The following SPATA6 variants were observed in gnomAD, a reference collection of about 807,000 sequenced individuals.
The protein encoded by SPATA6 is spermatogenesis-associated protein 6.
In SPATA6, 56 loss-of-function variants were observed where a neutral mutation model predicts 65.3. The ratio of observed to expected loss-of-function variants is 0.86; its 90% CI spans 0.69 to 1.07. The LOEUF is 1.07. Ranked by LOEUF, SPATA6 falls within the 50% of genes least tolerant of loss-of-function variation. The probability of loss-of-function intolerance (pLI) is 0.00; values close to 1 mark genes in which losing one functional copy is unlikely to be tolerated. For synonymous variants in SPATA6, 199 were observed against 213.2 expected (o/e 0.93, Z 0.58); for missense variants, 590 against 594.8 (o/e 0.99, Z 0.08).
At chr1:48,410,935 C>A (rs897025835) in intron 5 of SPATA6, among the ~76,000 whole-genome samples, 1 of 152,178 alleles carries the variant, frequency 6.6e-6, no homozygotes, top group Non-Finnish European at 1.5e-5. Context: ...ATGAAAGATT[C>A]TAAGTTTTTC....
At chr1:48,352,016 T>A (rs1205823891) in intron 11 of SPATA6, among the ~76,000 whole-genome samples, 1 of 152,086 alleles carries the variant, frequency 6.6e-6, no homozygotes, top group Non-Finnish European at 1.5e-5. Flanking sequence ...TTCATGCTGC[T>A]GATAAAGACA....
intron 11 of SPATA6, among the ~76,000 whole-genome samples, chr1:48,347,974 T>C (rs1247902312): frequency 6.6e-6 from 1 of 151,942 alleles, no homozygotes; most frequent in Non-Finnish European, 1.5e-5. Flanking sequence ...AAAGCATCCT[T>C]AAAAACCCTA....
chr1:48,280,631 A>T, the SPATA6 span, among the ~76,000 whole-genome samples: 1 of 152,226 alleles, frequency 6.6e-6, no homozygotes, highest in Non-Finnish European at 1.5e-5. Context: ...AGATTAAACC[A>T]GGAAGAAATT....
At chr1:48,320,846 A>C (rs2175863) in intron 11 of SPATA6, among the ~76,000 whole-genome samples, 3,742 of 152,264 alleles carry the variant, frequency 0.025, 95 homozygotes, top group African/African-American at 0.067. Flanking sequence ...AAAATAGGAA[A>C]AACAAAAAGT....
chr1:48,456,851 G>A (rs1023770025), intron 1 of SPATA6, among the ~76,000 whole-genome samples: 3 of 152,136 alleles, frequency 2.0e-5, no homozygotes, highest in Admixed American at 1.3e-4. Context: ...AAGGAAAAAT[G>A]AACAGAGTTT....
intron 9 of SPATA6, among the ~76,000 whole-genome samples, chr1:48,374,279 T>C (rs938470659): frequency 6.7e-6 from 1 of 149,460 alleles, no homozygotes; most frequent in African/African-American, 2.5e-5. Flanking sequence ...TCCAAACCTA[T>C]ACATCAGTAA....
At chr1:48,403,692 C>T (rs756701444) in intron 6 of SPATA6, 110 bp downstream of exon 6, 46 of 749,822 alleles carry the variant, frequency 6.1e-5, no homozygotes, top group Non-Finnish European at 9.0e-5. Flanking sequence ...AAAAATTGAC[C>T]CCCCAAAAAG....
chr1:48,360,128 C>T (rs1646769623), intron 9 of SPATA6, among the ~76,000 whole-genome samples: 1 of 152,054 alleles, frequency 6.6e-6, no homozygotes, highest in Non-Finnish European at 1.5e-5. Flanking sequence ...TCAAACAGAA[C>T]TAGATTCAAA....
At chr1:48,430,323 G>A (rs1246849632) in intron 3 of SPATA6, among the ~76,000 whole-genome samples, 1 of 152,046 alleles carries the variant, frequency 6.6e-6, no homozygotes, top group Non-Finnish European at 1.5e-5. Flanking sequence ...AAGGCAGTAG[G>A]CTCGTATATA....
At chr1:48,350,549 T>A (rs1014608765) in intron 11 of SPATA6, among the ~76,000 whole-genome samples, 1 of 151,928 alleles carries the variant, frequency 6.6e-6, no homozygotes, top group African/African-American at 2.4e-5. Flanking sequence ...CAGTTTTACA[T>A]TGAAGATCTA....
intron 3 of SPATA6, among the ~76,000 whole-genome samples, chr1:48,437,800 TAA>T (rs1421038377): frequency 6.6e-6 from 1 of 151,644 alleles, no homozygotes; most frequent in Non-Finnish European, 1.5e-5. Context: ...TGCTTTTTTT[TAA>T]AAAAGGGGGC....
rs1557665418 is a variant in SPATA6 at position 48,399,608 on chromosome 1, A to G, written c.523T>C (p.Ser175Pro). The change falls in exon 7 of 13, where the codon TCA becomes CCA. Residue 175 changes from serine (S) to proline (P), a missense_variant. Physicochemically the swap from Ser to Pro is moderately conservative, Grantham distance 74. Transcript: ENST00000371847. ...GTTCTGTTTTGCAGTCTGCCATGTG[A>G]TTTTTCAACTGGAGCCAAATGGTAA... ...FIYHLAPVEK[S>P]HGRLQNRTSR... The G allele has an allele frequency of 6.2e-7, 1 of 1,604,332 alleles. No homozygotes were observed. Among genetic ancestry groups the G allele is most frequent in the East Asian group, 2.2e-5 (1 of 44,720 alleles).
intron 8 of SPATA6, among the ~76,000 whole-genome samples, chr1:48,387,689 A>G (rs980533945): frequency 2.6e-5 from 4 of 152,050 alleles, no homozygotes. Flanking sequence ...CAGACCATAT[A>G]GTTTGAGGGC....
chr1:48,322,317 G>T (rs772301711), intron 11 of SPATA6, among the ~76,000 whole-genome samples: 1 of 152,110 alleles, frequency 6.6e-6, no homozygotes, highest in Non-Finnish European at 1.5e-5. Flanking sequence ...AAGCAATAGG[G>T]AAATGATTCC....
chr1:48,351,691 G>A (rs1646517381), intron 11 of SPATA6, among the ~76,000 whole-genome samples: 2 of 151,898 alleles, frequency 1.3e-5, no homozygotes, highest in South Asian at 2.1e-4. Flanking sequence ...ATATGTTGTT[G>A]GGAATTTTTG....
intron 11 of SPATA6, among the ~76,000 whole-genome samples, chr1:48,314,968 T>A (rs990679094): frequency 6.6e-6 from 1 of 152,126 alleles, no homozygotes. Flanking sequence ...CCTTGACACA[T>A]ACACCCTCCC....
chr1:48,378,453 T>G (rs1025355672), intron 9 of SPATA6, among the ~76,000 whole-genome samples: 4 of 152,210 alleles, frequency 2.6e-5, no homozygotes, highest in Non-Finnish European at 5.9e-5. Flanking sequence ...ATTAGTCTGT[T>G]TTCTCACTGC....
chr1:48,453,096 C>G lies in SPATA6; in HGVS notation c.87G>C (p.Glu29Asp). The G allele has an allele frequency of 6.2e-7, 1 of 1,613,390 alleles. No individual in the cohort carries two copies. The highest frequency in any genetic ancestry group is 1.1e-5 in the South Asian group (1 of 90,946). The change falls in exon 2 of 13, where the codon GAG becomes GAC. Residue 29 changes from glutamate to aspartate, a missense_variant. Coordinates refer to ENST00000371847, the MANE Select transcript of SPATA6 (RefSeq NM_019073.4). ...TCPGVVLKDK[E>D]DIYLSICVFG... ...ACACACAGATGCTAAGATAGATGTC[C>G]TCTTTGTCTTTAAGCACGACTCCTG...
At chr1:48,314,896 C>A (rs1645357773) in intron 11 of SPATA6, among the ~76,000 whole-genome samples, 1 of 152,170 alleles carries the variant, frequency 6.6e-6, no homozygotes, top group African/African-American at 2.4e-5. Context: ...AAACTACCAT[C>A]AGAGAATACT....
Sources: gnomAD v4.1 joint callset for allele counts (sites outside exome capture counted in the v4.1 genomes callset) on GRCh38, gnomAD v4.1.1 for gene constraint, MANE v1.5 for transcripts, NCBI Gene and HGNC (gene_info 2026-07-23, HGNC 2026-07-21) for gene names.